FMNL3: variants seen among roughly 807,000 people sequenced by gnomAD.
FMNL3 encodes the protein formin-like protein 3.
In FMNL3, 57 loss-of-function variants were observed where a neutral mutation model predicts 119.6. That is an observed-to-expected ratio of 0.48 (90% confidence interval 0.39 to 0.59). The LOEUF (loss-of-function observed/expected upper bound fraction) is 0.59, where lower values mean the gene tolerates loss of function less well. Ranked by LOEUF, FMNL3 falls within the 20% of genes least tolerant of loss-of-function variation. FMNL3 has a pLI of 0.00. For missense variants in FMNL3, 1,053 were observed against 1,323.5 expected, an observed-to-expected ratio of 0.80 and a Z score of 3.17; for synonymous variants, 491 against 507.3, an observed-to-expected ratio of 0.97 and a Z score of 0.43.
intron 1 of FMNL3, among the ~76,000 whole-genome samples, chr12:49,698,119 G>A (rs766604545): frequency 7.9e-5 from 12 of 152,130 alleles, no homozygotes; most frequent in Non-Finnish European, 1.5e-4. Flanking sequence ...GAGAGGCACC[G>A]TACAATTAAA....
rs895571479 is a variant in FMNL3 at position 49,665,996 on chromosome 12, C to CCA, written c.292-90_292-89dup. The CCA allele has an allele frequency of 2.6e-6, 4 of 1,549,864 alleles. No homozygotes were observed. The Admixed American group carries it at 6.7e-5, about 26-fold the overall frequency. The stretch of plus-strand genomic sequence containing the variant: ...CTGGCCAGCCATTCCAGGCCCTTGG[C>CCA]CACAGAACCCTGAAATCCAACTCCC... On this transcript the variant is annotated intron_variant, in intron 3 of 25. Transcript: ENST00000335154.
intron 1 of FMNL3, among the ~76,000 whole-genome samples, chr12:49,705,733 T>C (rs1290303586): frequency 1.3e-5 from 2 of 152,202 alleles, no homozygotes; most frequent in Admixed American, 6.5e-5. Context: ...ACAGGATGTA[T>C]GGCCCACATC....
In FMNL3 at chr12:49,707,173, T is replaced by C; in HGVS notation, c.8A>G (p.Asn3Ser). 6.4e-7 allele frequency: 1 copy of C among 1,561,706 alleles called. No homozygotes were observed. Residue 3 changes from asparagine (N) to serine (S), a missense_variant, in exon 1 of 26, where the codon AAC (asparagine) becomes AGC (serine). Asn to Ser is a conservative substitution (Grantham distance 46). Coordinates refer to ENST00000335154, the MANE Select transcript of FMNL3 (RefSeq NM_175736.5). MG[N>S]LESAEGVPGE... is the part of the protein sequence containing the mutation. ...CGGGACCCCCTCGGCGCTCTCCAGG[T>C]TGCCCATCGCGGCGGGGCCCCCTCA...
intron 14 of FMNL3, 88 bp from the exon 15 acceptor site, chr12:49,651,538 A>G: frequency 1.9e-6 from 2 of 1,057,702 alleles, no homozygotes; most frequent in Non-Finnish European, 2.5e-6. Context: ...ACCTTCTCTG[A>G]GAGTTAAAAA....
Position 49,666,146 on chromosome 12 carries a change from T to A in FMNL3, c.272A>T (p.Asp91Val). 2 of 1,614,002 alleles carry A rather than the reference T, an allele frequency of 1.2e-6. No individual in the cohort carries two copies. The highest frequency in any genetic ancestry group is 4.5e-5 in the East Asian group (2 of 44,870). Reference sequence around the variant, plus strand: ...CTTCACCTTCCGAGTTACACTGGGGTCCAAGAAGCTCTGGAGTTTCTGAAT... The same window carrying A: ...CTTCACCTTCCGAGTTACACTGGGGACCAAGAAGCTCTGGAGTTTCTGAAT... Reference protein sequence around the residue: ...TYIQKLQSFLDPSVTRKKFRR... With the variant: ...TYIQKLQSFLVPSVTRKKFRR... The change falls in exon 3 of 26, where the codon GAC becomes GTC. Residue 91 changes from aspartate to valine, a missense_variant. Transcript: ENST00000335154.
chr12:49,650,025 G>T, intron 17 of FMNL3, 100 bp from the exon 18 acceptor site: 1 of 1,063,722 alleles, frequency 9.4e-7, no homozygotes, highest in Non-Finnish European at 1.4e-6. Context: ...ACAGGGGACT[G>T]TACACGGAAC....
intron 22 of FMNL3, 89 bp downstream of exon 22, chr12:49,648,104 T>TA (rs763770317): frequency 0.02 from 23,915 of 1,222,902 alleles, 50 homozygotes; most frequent in African/African-American, 0.047. Context: ...CTGCTTGATT[T>TA]AAAAAAAAAA....
At chr12:49,695,165 TATAA>T (rs1459925386) in intron 1 of FMNL3, among the ~76,000 whole-genome samples, 1 of 152,066 alleles carries the variant, frequency 6.6e-6, no homozygotes, top group East Asian at 1.9e-4. Context: ...CTAAAAAATA[TATAA>T]ATAAAAATTT....
chr12:49,660,928 G>A (rs753728146), intron 5 of FMNL3, among the ~76,000 whole-genome samples: 3 of 152,208 alleles, frequency 2.0e-5, no homozygotes, highest in African/African-American at 4.8e-5. Context: ...AGCCAAGATC[G>A]TGCCACTGCA....
intron 1 of FMNL3, among the ~76,000 whole-genome samples, chr12:49,705,437 A>G (rs1945022106): frequency 6.6e-6 from 1 of 152,128 alleles, no homozygotes; most frequent in Admixed American, 6.5e-5. Context: ...AGCTCTCACA[A>G]AAAATGGCCT....
rs150651073 is a variant in FMNL3 at position 49,637,818 on chromosome 12, C to T, written c.*7997G>A. On this transcript the variant is annotated 3_prime_UTR_variant, in exon 26 of 26. Transcript: ENST00000335154. ...ATGAAAAGAAGATCATTAAGGACAT[C>T]CTTAAGGTGAGGGAGGCTGGGGTTA... 5.6e-6 allele frequency: 9 copies of T among 1,606,020 alleles called. No homozygotes were observed. Among genetic ancestry groups the T allele is most frequent in the Non-Finnish European group, 6.0e-6 (7 of 1,173,214 alleles).
chr12:49,693,594 C>T (rs1406367620), intron 1 of FMNL3, among the ~76,000 whole-genome samples: 1 of 144,932 alleles, frequency 6.9e-6, no homozygotes, highest in African/African-American at 2.6e-5. Flanking sequence ...GTCTTGAACT[C>T]CTGGGCTGAA....
intron 1 of FMNL3, among the ~76,000 whole-genome samples, chr12:49,698,519 A>AC (rs146667735): frequency 6.8e-6 from 1 of 148,110 alleles, no homozygotes; most frequent in Non-Finnish European, 1.5e-5. Context: ...ACTGCTCCCC[A>AC]CCCCCAAAAA....
intron 12 of FMNL3, among the ~76,000 whole-genome samples, 162 bp from the exon 13 acceptor site, chr12:49,653,489 G>T (rs902785996): frequency 6.6e-6 from 1 of 152,194 alleles, no homozygotes; most frequent in Non-Finnish European, 1.5e-5. Context: ...ACAAGACAAA[G>T]GCCACATTCT....
chr12:49,664,201 C>T (rs982958040), intron 4 of FMNL3, among the ~76,000 whole-genome samples: 3 of 152,152 alleles, frequency 2.0e-5, no homozygotes, highest in Non-Finnish European at 2.9e-5. Flanking sequence ...GCCAAGATGG[C>T]GCCTGGGCGA....
Position 49,647,472 on chromosome 12 carries a change from C to T in FMNL3, c.2779-104G>A. On this transcript the variant is annotated intron_variant, in intron 23 of 25. Transcript: ENST00000335154. The surrounding 1 kb of genome is among the most constrained non-coding windows in gnomAD (Gnocchi z 4.9). Reference sequence around the variant, plus strand: ...TGGGTGGCAGTGGGACCCGCTAACTCCAGGTGGCCACCCTCTGGAGGGGCA... The same window carrying T: ...TGGGTGGCAGTGGGACCCGCTAACTTCAGGTGGCCACCCTCTGGAGGGGCA... The T allele has an allele frequency of 7.7e-7, 1 of 1,293,302 alleles. No individual in the cohort carries two copies. The highest frequency in any genetic ancestry group is 1.1e-6 in the Non-Finnish European group (1 of 903,002). The allele number at this position is 1,293,302 out of a possible 1,614,324, so 80.1% of individuals were successfully genotyped here. A position where few individuals can be genotyped will look rare whatever the true frequency, so the allele number is the denominator to read the frequency against.
intron 2 of FMNL3, 106 bp downstream of exon 2, chr12:49,668,365 G>C (rs1232537810): frequency 8.0e-6 from 8 of 998,654 alleles, no homozygotes; most frequent in African/African-American, 1.6e-5. Flanking sequence ...GCTTAGGCCA[G>C]GGTTCCTCAA....
At chr12:49,682,927 T>C (rs577882108) in intron 1 of FMNL3, among the ~76,000 whole-genome samples, 2 of 152,146 alleles carry the variant, frequency 1.3e-5, no homozygotes, top group Non-Finnish European at 2.9e-5. Context: ...ATTCTAACCT[T>C]TTGGGGCCAG....
intron 1 of FMNL3, among the ~76,000 whole-genome samples, chr12:49,683,905 T>C (rs1283990585): frequency 6.6e-6 from 1 of 152,222 alleles, no homozygotes; most frequent in African/African-American, 2.4e-5. Context: ...CTGTCCTCTC[T>C]ACCTGGAATG....
Sources: allele counts gnomAD v4.1 joint callset (sites outside exome capture counted in the v4.1 genomes callset), GRCh38; gene constraint gnomAD v4.1.1; non-coding constraint Gnocchi (gnomAD v3.1); transcripts MANE v1.5; gene names NCBI Gene and HGNC (gene_info 2026-07-23, HGNC 2026-07-21).